RPS6KB1: variants seen among roughly 807,000 people sequenced by gnomAD.
RPS6KB1 encodes the protein ribosomal protein S6 kinase B1.
RPS6KB1 carries 12 observed loss-of-function variants against 70.2 expected under a neutral mutation model. The ratio of observed to expected loss-of-function variants is 0.17; its 90% confidence interval spans 0.11 to 0.28. The LOEUF (loss-of-function observed/expected upper bound fraction) is 0.28, where lower values mean the gene tolerates loss of function less well. Ranked by LOEUF, RPS6KB1 falls within the 10% of genes least tolerant of loss-of-function variation. RPS6KB1 has a pLI of 1.00. For missense variants in RPS6KB1, 270 were observed against 646.6 expected (o/e 0.42, Z 6.32); for synonymous variants, 175 against 211.2 (o/e 0.83, Z 1.49).
At chr17:59,905,594 TC>T (rs904389793) in intron 1 of RPS6KB1, among the ~76,000 whole-genome samples, 45 of 150,948 alleles carry the variant, frequency 3.0e-4, no homozygotes, top group Non-Finnish European at 5.2e-4. Flanking sequence ...AGCCTCCGCC[TC>T]CTGGATTCAA....
chr17:59,896,653 A>G (rs2041583837), intron 1 of RPS6KB1, among the ~76,000 whole-genome samples: 1 of 152,098 alleles, frequency 6.6e-6, no homozygotes, highest in Non-Finnish European at 1.5e-5. Context: ...GGTCAGAAAA[A>G]TTGGTGGAAA....
chr17:59,899,752 A>G (rs1416844685), intron 1 of RPS6KB1, among the ~76,000 whole-genome samples: 1 of 152,170 alleles, frequency 6.6e-6, no homozygotes, highest in Non-Finnish European at 1.5e-5. Flanking sequence ...TTGCCTGGGT[A>G]TAATCATGAA....
Position 59,949,569 on chromosome 17 carries a change from TAACTA to T in RPS6KB1, c.*2786_*2790del, listed in dbSNP as rs1258973057. The T allele has an allele frequency of 6.6e-6, 1 of 152,538 alleles. No individual in the cohort carries two copies. Among genetic ancestry groups the T allele is most frequent in the African/African-American group, 2.4e-5 (1 of 41,456 alleles). 9.4% of individuals were successfully genotyped at this position (152,538 alleles called of 1,614,324 possible). ...TTATAAGGTTTGTAGCATTACAGAA[TAACTA>T]AACTGGGATTTATAAACCAGCTGTG... On this transcript the variant is annotated 3_prime_UTR_variant, in exon 15 of 15. Coordinates refer to ENST00000225577, the MANE Select transcript of RPS6KB1 (RefSeq NM_003161.4).
chr17:59,920,494 TATTGGTA>T (rs1195996873), intron 4 of RPS6KB1, among the ~76,000 whole-genome samples: 1 of 152,238 alleles, frequency 6.6e-6, no homozygotes, highest in Non-Finnish European at 1.5e-5. Flanking sequence ...ACCACAATTT[TATTGGTA>T]ATTGTCTTTA....
At chr17:59,923,948 A>G (rs2043433154) in intron 4 of RPS6KB1, among the ~76,000 whole-genome samples, 2 of 152,224 alleles carry the variant, frequency 1.3e-5, no homozygotes, top group South Asian at 4.1e-4. Flanking sequence ...ATTTCCAGCT[A>G]CAAACCTACT....
intron 1 of RPS6KB1, among the ~76,000 whole-genome samples, chr17:59,897,666 T>TA (rs1056586584): frequency 4.9e-4 from 75 of 152,222 alleles, no homozygotes; most frequent in African/African-American, 1.6e-3. Context: ...CCACCTAACT[T>TA]AAAAAAGATC....
chr17:59,934,385 T>A lies in RPS6KB1; in HGVS notation c.780-49T>A. 4 of 1,534,148 alleles carry A rather than the reference T, an allele frequency of 2.6e-6. No homozygotes were observed. The highest frequency in any genetic ancestry group is 3.6e-6 in the Non-Finnish European group (4 of 1,107,862). Reference sequence around the variant, plus strand: ...ATTGTTTTTAAAATTCTAATTCAGATGATATGCAAATGGGTGAATTTTTAA... The same window carrying A: ...ATTGTTTTTAAAATTCTAATTCAGAAGATATGCAAATGGGTGAATTTTTAA... On this transcript the variant is annotated intron_variant, in intron 8 of 14. Coordinates refer to ENST00000225577, the MANE Select transcript of RPS6KB1 (RefSeq NM_003161.4). This position sits in a 1 kb window ranked among gnomAD's most constrained non-coding sequence, Gnocchi z 4.8.
chr17:59,914,201 G>A (rs1474572350), intron 3 of RPS6KB1, among the ~76,000 whole-genome samples: 1 of 151,076 alleles, frequency 6.6e-6, no homozygotes, highest in Non-Finnish European at 1.5e-5. Context: ...CAAGGGCAGT[G>A]GCAAGCAACC....
At position 59,931,685 on chromosome 17, in the gene RPS6KB1, A is replaced by G. The variant is rs2043931736; in HGVS notation, c.651A>G (p.Arg217=). Residue 217 remains arginine, a synonymous_variant, in exon 7 of 15, where the codon AGA becomes AGG. Coordinates refer to ENST00000225577, the MANE Select transcript of RPS6KB1 (RefSeq NM_003161.4). The part of the protein sequence containing the change: ...GHLHQKGIIY[R]DLKPENIMLN... ...TACATCAAAAGGGGATCATCTACAG[A>G]GACCTGAAGCCGGAGAATATCATGC... is the stretch of plus-strand genomic sequence containing the variant. 2 of 1,613,286 alleles carry G rather than the reference A, an allele frequency of 1.2e-6. No homozygotes were observed. Among genetic ancestry groups the G allele is most frequent in the Admixed American group, 1.7e-5 (1 of 60,004 alleles).
At chr17:59,918,829 CTTTTTTTTTT>C (rs35207575) in intron 4 of RPS6KB1, among the ~76,000 whole-genome samples, 1 of 119,072 alleles carries the variant, frequency 8.4e-6, no homozygotes, top group East Asian at 2.4e-4. Context: ...ACTGATTATT[CTTTTTTTTTT>C]TTTTTTTTTT....
At chr17:59,909,519 G>A (rs922536561) in intron 1 of RPS6KB1, among the ~76,000 whole-genome samples, 1 of 151,138 alleles carries the variant, frequency 6.6e-6, no homozygotes, top group Admixed American at 6.6e-5. Context: ...GCCCGCATCG[G>A]CCTCCCAAAG....
intron 11 of RPS6KB1, 68 bp from the exon 12 acceptor site, chr17:59,936,396 G>A (rs1238045547): frequency 1.9e-6 from 3 of 1,538,554 alleles, no homozygotes; most frequent in African/African-American, 2.8e-5. Context: ...ACTTCAAAAA[G>A]GTGATTAATT....
At chr17:59,917,554 C>A (rs1181353139) in intron 4 of RPS6KB1, among the ~76,000 whole-genome samples, 1 of 152,122 alleles carries the variant, frequency 6.6e-6, no homozygotes, top group Non-Finnish European at 1.5e-5. Context: ...CCTCCTGCCA[C>A]AACTTCTGAG....
intron 3 of RPS6KB1, 91 bp downstream of exon 3, chr17:59,912,895 C>A: frequency 7.3e-7 from 1 of 1,371,172 alleles, no homozygotes; most frequent in Non-Finnish European, 1.0e-6. Context: ...CAGTCTTTGT[C>A]AGCTATCAGC....
chr17:59,900,269 G>A (rs1568378065), intron 1 of RPS6KB1, among the ~76,000 whole-genome samples: 1 of 150,082 alleles, frequency 6.7e-6, no homozygotes. Context: ...GCTGTGTACT[G>A]GTAGTTTTGA....
chr17:59,898,909 A>G (rs904461931), intron 1 of RPS6KB1, among the ~76,000 whole-genome samples: 2 of 151,748 alleles, frequency 1.3e-5, no homozygotes, highest in African/African-American at 2.4e-5. Flanking sequence ...AATTAGGAGT[A>G]AAGAGTTTCC....
chr17:59,898,124 A>G (rs1022239068), intron 1 of RPS6KB1, among the ~76,000 whole-genome samples: 6 of 152,076 alleles, frequency 3.9e-5, no homozygotes, highest in African/African-American at 1.4e-4. Context: ...ACTAAGGAAA[A>G]GTTTTCCTTC....
At chr17:59,932,430 G>C (rs2043976933) in intron 7 of RPS6KB1, among the ~76,000 whole-genome samples, 1 of 151,970 alleles carries the variant, frequency 6.6e-6, no homozygotes, top group Admixed American at 6.6e-5. Context: ...AAGAAAATAT[G>C]TGAATATTAG....
intron 4 of RPS6KB1, among the ~76,000 whole-genome samples, chr17:59,922,936 G>A (rs913276361): frequency 6.8e-6 from 1 of 146,326 alleles, no homozygotes; most frequent in African/African-American, 2.6e-5. Flanking sequence ...ATGTGGTCTT[G>A]GCTCACTGCA....
Sources: allele counts gnomAD v4.1 joint callset (sites outside exome capture counted in the v4.1 genomes callset), GRCh38; gene constraint gnomAD v4.1.1; non-coding constraint Gnocchi (gnomAD v3.1); transcripts MANE v1.5; gene names NCBI Gene and HGNC (gene_info 2026-07-23, HGNC 2026-07-21).